The following MYH10 variants were observed in gnomAD, a reference collection of about 807,000 sequenced individuals.
The protein encoded by MYH10 is myosin heavy chain 10.
In MYH10, 55 loss-of-function variants were observed where a neutral mutation model predicts 257.8. That is an observed-to-expected ratio of 0.21 (90% CI 0.17 to 0.27). The LOEUF is 0.27. Ranked by LOEUF, MYH10 falls within the 10% of genes least tolerant of loss-of-function variation. MYH10 has a pLI of 1.00. For missense variants in MYH10, 1,631 were observed against 2,500.6 expected (o/e 0.65, Z 7.42); for synonymous variants, 854 against 921.7 (o/e 0.93, Z 1.33).
At chr17:8,500,126 C>G (rs1917285556) in intron 29 of MYH10, among the ~76,000 whole-genome samples, 1 of 152,198 alleles carries the variant, frequency 6.6e-6, no homozygotes, top group South Asian at 2.1e-4. Context: ...TTGACACAAA[C>G]ATAAATGTTC....
chr17:8,523,421 T>C (rs539103705), intron 17 of MYH10, among the ~76,000 whole-genome samples: 3 of 152,184 alleles, frequency 2.0e-5, no homozygotes, highest in Non-Finnish European at 4.4e-5. Flanking sequence ...CAGGATGCCA[T>C]AGGAGAAATG....
chr17:8,578,243 C>CTTTCT (rs1555608523), intron 4 of MYH10, among the ~76,000 whole-genome samples: 15 of 129,208 alleles, frequency 1.2e-4, no homozygotes, highest in African/African-American at 3.2e-4. Context: ...TTCTTTCTTT[C>CTTTCT]TTTTTTTTTT....
At chr17:8,482,350 T>A (rs1431856133) in intron 37 of MYH10, among the ~76,000 whole-genome samples, 1 of 152,230 alleles carries the variant, frequency 6.6e-6, no homozygotes, top group African/African-American at 2.4e-5. Flanking sequence ...CACGTGCACC[T>A]GCCTTACATG....
At chr17:8,594,308 A>G (rs1303808416) in intron 3 of MYH10, among the ~76,000 whole-genome samples, 1 of 152,218 alleles carries the variant, frequency 6.6e-6, no homozygotes, top group Non-Finnish European at 1.5e-5. Context: ...ACATTTCACC[A>G]AAGATATACA....
In MYH10 at chr17:8,476,970, C is replaced by T. The variant is rs1410027751; in HGVS notation, c.5785G>A (p.Ala1929Thr). The change falls in exon 42 of 43, where the codon GCA (alanine) becomes ACA (threonine). Residue 1929 changes from alanine (A) to threonine (T), a missense_variant. Ala to Thr is a moderately conservative substitution (Grantham distance 58). Transcript: ENST00000360416. ...EAEEEATRAN[A>T]SRRKLQRELD... ...TCCCGCTGGAGTTTACGCCGAGATG[C>T]GTTGGCACGCGTCGCTTCTTCTTCT... 7 of 1,613,986 alleles carry T rather than the reference C, an allele frequency of 4.3e-6. No individual in the cohort carries two copies. Among genetic ancestry groups the T allele is most frequent in the East Asian group, 2.2e-5 (1 of 44,902 alleles).
At chr17:8,598,500 C>T (rs967274250) in intron 3 of MYH10, among the ~76,000 whole-genome samples, 3 of 152,042 alleles carry the variant, frequency 2.0e-5, no homozygotes, top group African/African-American at 7.2e-5. Flanking sequence ...CTTTTAAGTA[C>T]CTTTTTTATT....
chr17:8,489,722 C>CACACACACACACACACAA (rs1915456417), intron 35 of MYH10, among the ~76,000 whole-genome samples: 1 of 150,336 alleles, frequency 6.7e-6, no homozygotes, highest in African/African-American at 2.5e-5. Context: ...CACACACACA[C>CACACACACACACACACAA]ACACACACAC....
At chr17:8,517,150 AAAAT>A (rs2081499461) in intron 21 of MYH10, among the ~76,000 whole-genome samples, 1 of 152,190 alleles carries the variant, frequency 6.6e-6, no homozygotes, top group Non-Finnish European at 1.5e-5. Context: ...CAAAAAAAAT[AAAAT>A]AAAAACCCAA....
At chr17:8,495,371 A>G (rs1345119628) in intron 30 of MYH10, 130 bp from the exon 31 acceptor site, 4 of 630,250 alleles carry the variant, frequency 6.3e-6, no homozygotes, top group South Asian at 3.8e-5. Flanking sequence ...CATTCAGTTA[A>G]GGAAGACTCA....
chr17:8,625,634 C>A (rs952158964), intron 1 of MYH10, among the ~76,000 whole-genome samples: 2 of 152,070 alleles, frequency 1.3e-5, no homozygotes, highest in South Asian at 2.1e-4. Context: ...CAGGCCTGCA[C>A]CATGACCCGC....
At chr17:8,627,427 G>C (rs926843186) in intron 1 of MYH10, among the ~76,000 whole-genome samples, 2 of 152,150 alleles carry the variant, frequency 1.3e-5, no homozygotes, top group Admixed American at 1.3e-4. Context: ...CCTTTCAGAA[G>C]TTCTTTTCAG....
At chr17:8,519,489 G>A (rs553496827) in intron 19 of MYH10, among the ~76,000 whole-genome samples, 1 of 151,998 alleles carries the variant, frequency 6.6e-6, no homozygotes, top group South Asian at 2.1e-4. Flanking sequence ...ACTGTATACA[G>A]TCTATACCTC....
intron 16 of MYH10, among the ~76,000 whole-genome samples, chr17:8,534,829 GA>G (rs2151932147): frequency 6.6e-6 from 1 of 152,308 alleles, no homozygotes; most frequent in South Asian, 2.1e-4. Context: ...TTGATTTTCT[GA>G]TACTAGTAAA....
At chr17:8,548,944 T>C (rs2151957448) in intron 9 of MYH10, among the ~76,000 whole-genome samples, 157 bp from the exon 10 acceptor site, 1 of 64,512 alleles carries the variant, frequency 1.6e-5, no homozygotes, top group African/African-American at 4.9e-5. Flanking sequence ...TTCATGTAAA[T>C]ACACAAACAT....
intron 9 of MYH10, among the ~76,000 whole-genome samples, chr17:8,550,869 A>G (rs368177719): frequency 6.6e-6 from 1 of 152,022 alleles, no homozygotes; most frequent in African/African-American, 2.4e-5. Flanking sequence ...TGAAACATGT[A>G]CTGTGTCCAC....
At chr17:8,516,688 G>C (rs950185500) in intron 21 of MYH10, among the ~76,000 whole-genome samples, 1 of 152,208 alleles carries the variant, frequency 6.6e-6, no homozygotes, top group African/African-American at 2.4e-5. Context: ...TCTGGCAGAT[G>C]TCAAGTTTTT....
intron 3 of MYH10, among the ~76,000 whole-genome samples, chr17:8,601,301 T>A (rs1489951826): frequency 6.6e-6 from 1 of 152,188 alleles, no homozygotes; most frequent in Non-Finnish European, 1.5e-5. Flanking sequence ...CTCAGATGAT[T>A]ATGTGCAAGG....
At chr17:8,554,338 T>C (rs1439053867) in intron 7 of MYH10, 3 of 178,100 alleles carry the variant, frequency 1.7e-5, no homozygotes, top group African/African-American at 7.2e-5. Flanking sequence ...TTAATAGTTT[T>C]AAAGGACCAC....
At position 8,475,962 on chromosome 17, in the gene MYH10, G is replaced by GAA. The variant is rs1273618872; in HGVS notation, c.5880-16_5880-15dup. On this transcript the variant is annotated splice_polypyrimidine_tract_variant and intron_variant, in intron 42 of 42. Transcript: ENST00000360416. ...GGGCCACCCCGCCTGGAGAACACAG[G>GAA]AAGCAGATGTGTGTGGGTAAACAGA... 4 of 1,609,810 alleles carry GAA rather than the reference G, an allele frequency of 2.5e-6. No homozygotes were observed. In the African/African-American group the frequency reaches 5.3e-5, roughly 22 times the overall value.
Sources: gnomAD v4.1 joint callset for allele counts (sites outside exome capture counted in the v4.1 genomes callset) on GRCh38, gnomAD v4.1.1 for gene constraint, MANE v1.5 for transcripts, NCBI Gene and HGNC (gene_info 2026-07-23, HGNC 2026-07-21) for gene names.